MMP16: variants seen among roughly 807,000 people sequenced by gnomAD.
MMP16 encodes the protein matrix metallopeptidase 16, also known as matrix metalloproteinase-16.
In MMP16, 12 loss-of-function variants were observed where a neutral mutation model predicts 67.8. The observed-to-expected ratio is 0.18, with a 90% CI of 0.11 to 0.29. The LOEUF is 0.29. MMP16 is among the 10% of genes least tolerant of loss of function. MMP16 has a pLI of 1.00. For synonymous variants in MMP16, 249 were observed against 255.9 expected (o/e 0.97, Z 0.26); for missense variants, 475 against 765.7 (o/e 0.62, Z 4.48).
chr8:88,311,782 C>T (rs1811298716), intron 1 of MMP16, among the ~76,000 whole-genome samples: 1 of 151,958 alleles, frequency 6.6e-6, no homozygotes, highest in Non-Finnish European at 1.5e-5. Context: ...AGAAGATGAA[C>T]TCTGAGCTAC....
intron 1 of MMP16, among the ~76,000 whole-genome samples, chr8:88,240,084 G>A (rs1315622497): frequency 6.6e-6 from 1 of 152,152 alleles, no homozygotes; most frequent in Non-Finnish European, 1.5e-5. Flanking sequence ...GTGTTGGGAA[G>A]AGCTGTTGAA....
chr8:88,217,146 G>C (rs758678589), intron 1 of MMP16, among the ~76,000 whole-genome samples: 1 of 151,982 alleles, frequency 6.6e-6, no homozygotes, highest in African/African-American at 2.4e-5. Context: ...AGGTGTTCCA[G>C]GATCATCCTC....
chr8:88,155,802 A>G (rs1808499793), intron 4 of MMP16, among the ~76,000 whole-genome samples: 1 of 152,074 alleles, frequency 6.6e-6, no homozygotes, highest in East Asian at 1.9e-4. Context: ...GTTGTTTCCA[A>G]TATTGTTTTT....
chr8:88,206,737 C>T (rs1416268021), intron 1 of MMP16, among the ~76,000 whole-genome samples: 1 of 152,066 alleles, frequency 6.6e-6, no homozygotes, highest in Non-Finnish European at 1.5e-5. Context: ...GTTTTTGTGA[C>T]CAGAAATATG....
rs28986470 is a variant in MMP16, at chr8:88,302,236, T to C, written c.132+24839A>G. Reference sequence around the variant, plus strand: ...GCAAAGAGCAACATTTTCAGCACTTTGCTGTCACATCATCAAATAAAATCA... The same window carrying C: ...GCAAAGAGCAACATTTTCAGCACTTCGCTGTCACATCATCAAATAAAATCA... On this transcript the variant is annotated intron_variant, in intron 1 of 9. Coordinates refer to ENST00000286614, the MANE Select transcript of MMP16 (RefSeq NM_005941.5). Among the ~76,000 whole-genome samples the C allele has an allele frequency of 5.6e-3, 847 of 152,356 alleles. 4 individuals are homozygous for C. The highest frequency in any genetic ancestry group is 0.02 in the African/African-American group (812 of 41,574).
At chr8:88,272,829 C>T (rs571299372) in intron 1 of MMP16, among the ~76,000 whole-genome samples, 5 of 152,126 alleles carry the variant, frequency 3.3e-5, no homozygotes, top group African/African-American at 9.6e-5. Flanking sequence ...CCACCAAAAG[C>T]GAGTATGTCA....
At chr8:88,271,667 G>C (rs1585991279) in intron 1 of MMP16, among the ~76,000 whole-genome samples, 1 of 152,038 alleles carries the variant, frequency 6.6e-6, no homozygotes, top group Middle Eastern at 3.4e-3. Flanking sequence ...CTGCAGATTT[G>C]GATTTTAGAA....
At chr8:88,078,077 T>G (rs1033740210) in intron 6 of MMP16, among the ~76,000 whole-genome samples, 1 of 152,168 alleles carries the variant, frequency 6.6e-6, no homozygotes, top group Middle Eastern at 3.4e-3. Context: ...CCTCCCTCTT[T>G]GTTTTCTTCT....
chr8:88,140,710 C>T (rs1808198926), intron 4 of MMP16, among the ~76,000 whole-genome samples: 1 of 151,978 alleles, frequency 6.6e-6, no homozygotes, highest in Non-Finnish European at 1.5e-5. Flanking sequence ...GTCTTAATAA[C>T]CTTATTAAGC....
intron 2 of MMP16, among the ~76,000 whole-genome samples, chr8:88,194,860 C>T (rs551461198): frequency 3.3e-5 from 5 of 152,010 alleles, no homozygotes; most frequent in African/African-American, 1.2e-4. Context: ...AAAATAAAAA[C>T]AATACAGCTC....
chr8:88,079,726 G>A (rs1241051998), intron 6 of MMP16, among the ~76,000 whole-genome samples: 3 of 152,100 alleles, frequency 2.0e-5, no homozygotes, highest in Non-Finnish European at 4.4e-5. Flanking sequence ...TGGAGCCTTT[G>A]GGAATGATTA....
At chr8:88,062,953 G>A (rs1301327103) in intron 7 of MMP16, among the ~76,000 whole-genome samples, 2 of 151,912 alleles carry the variant, frequency 1.3e-5, no homozygotes, top group African/African-American at 4.8e-5. Context: ...AGACAGTCTG[G>A]GTCTCAAGGA....
At chr8:88,219,857 G>A (rs1434473876) in intron 1 of MMP16, among the ~76,000 whole-genome samples, 1 of 152,082 alleles carries the variant, frequency 6.6e-6, no homozygotes, top group African/African-American at 2.4e-5. Context: ...GAATTTTTCA[G>A]AAGCAGATAT....
intron 1 of MMP16, among the ~76,000 whole-genome samples, chr8:88,222,867 C>A (rs554370566): frequency 6.6e-6 from 1 of 152,152 alleles, no homozygotes; most frequent in Non-Finnish European, 1.5e-5. Flanking sequence ...AACTAAAGAG[C>A]TTCTGCACAG....
At chr8:88,202,458 A>C (rs536385262) in intron 1 of MMP16, among the ~76,000 whole-genome samples, 1 of 152,294 alleles carries the variant, frequency 6.6e-6, no homozygotes, top group East Asian at 1.9e-4. Context: ...TCAAACGGTA[A>C]TGGCTGAGCC....
intron 2 of MMP16, among the ~76,000 whole-genome samples, chr8:88,194,542 A>G (rs1809221345): frequency 6.6e-6 from 1 of 152,076 alleles, no homozygotes; most frequent in Non-Finnish European, 1.5e-5. Context: ...ATTTCAGCTG[A>G]GTACCTTGAT....
intron 1 of MMP16, among the ~76,000 whole-genome samples, chr8:88,287,479 T>G (rs7011035): frequency 0.12 from 18,625 of 152,252 alleles, 1,247 homozygotes; most frequent in Non-Finnish European, 0.15. Flanking sequence ...GCTACCACTT[T>G]GCTAATTTTC....
intron 1 of MMP16, among the ~76,000 whole-genome samples, chr8:88,249,329 A>G (rs1368158422): frequency 1.3e-5 from 2 of 152,058 alleles, no homozygotes; most frequent in Non-Finnish European, 2.9e-5. Flanking sequence ...AAGTACTCCA[A>G]TGGGATGCTG....
chr8:88,076,275 G>A (rs1808650583), intron 6 of MMP16, among the ~76,000 whole-genome samples: 1 of 152,112 alleles, frequency 6.6e-6, no homozygotes, highest in African/African-American at 2.4e-5. Flanking sequence ...CATGATTACT[G>A]TATAAGATAC....
Sources: gnomAD v4.1 joint callset for allele counts (sites outside exome capture counted in the v4.1 genomes callset) on GRCh38, gnomAD v4.1.1 for gene constraint, MANE v1.5 for transcripts, NCBI Gene and HGNC (gene_info 2026-07-23, HGNC 2026-07-21) for gene names.